The following OR2T11 variants were observed in gnomAD, a reference collection of about 807,000 sequenced individuals.
The protein encoded by OR2T11 is olfactory receptor 2T11.
In OR2T11, 14 loss-of-function variants were observed where a neutral mutation model predicts 13.5. The observed-to-expected ratio is 1.04, with a 90% CI of 0.69 to 1.62. The LOEUF (loss-of-function observed/expected upper bound fraction) is 1.62. Ranked by LOEUF, OR2T11 falls within the 40% of genes most tolerant of loss-of-function variation. The probability of loss-of-function intolerance (pLI) is 0.00; values close to 1 mark genes in which losing one functional copy is unlikely to be tolerated. For synonymous variants in OR2T11, 163 were observed against 154.6 expected (o/e 1.05, Z -0.40); for missense variants, 410 against 389.7 (o/e 1.05, Z -0.44).
Position 248,628,433 on chromosome 1 carries a change from C to T in OR2T11, c.-144-1161G>A, listed in dbSNP as rs147741336. Among the ~76,000 whole-genome samples, 849 of 140,018 alleles carry T rather than the reference C, an allele frequency of 6.1e-3. 161 individuals carry two copies. Among genetic ancestry groups the T allele is most frequent in the African/African-American group, 0.024 (824 of 34,924 alleles). The allele number at this position is 140,018 out of a possible 152,430, so 91.9% of individuals were successfully genotyped here. A position where few individuals can be genotyped will look rare whatever the true frequency, so the allele number is the denominator to read the frequency against. On this transcript the variant is annotated intron_variant, in intron 1 of 1. Transcript: ENST00000641193. ...GGGAGCCCGGATGCTGCAGGGTTTCCCCCCATTCACATGTTGCTAGACACA... is the reference window on the plus strand; with the variant it reads ...GGGAGCCCGGATGCTGCAGGGTTTCTCCCCATTCACATGTTGCTAGACACA...
At position 248,626,885 on chromosome 1, in the gene OR2T11, T is replaced by A. The variant is rs200564269; in HGVS notation, c.244A>T (p.Met82Leu). ...GAAATGATCTTCTCTTTAGAAACCA[T>A]GTCTGCCAGGAGTTTTGGGACAGTG... The part of the protein sequence containing the change: ...CTTVPKLLAD[M>L]VSKEKIISFV... Residue 82 changes from methionine (M) to leucine (L), a missense_variant, in exon 2 of 2, where the codon ATG (methionine) becomes TTG (leucine). By Grantham distance (15) the Met-to-Leu change is conservative. Coordinates refer to ENST00000641193, the MANE Select transcript of OR2T11 (RefSeq NM_001001964.2). The A allele has an allele frequency of 4.3e-5, 68 of 1,570,714 alleles. 6 individuals carry two copies. The highest frequency in any genetic ancestry group is 3.6e-4 in the Admixed American group (21 of 58,338).
At chr1:248,634,787 A>C (rs1333614848) in intron 1 of OR2T11, among the ~76,000 whole-genome samples, 1 of 143,046 alleles carries the variant, frequency 7.0e-6, no homozygotes, top group African/African-American at 2.7e-5. Context: ...TCACTTTTTC[A>C]GATTTTTAAT....
intron 1 of OR2T11, among the ~76,000 whole-genome samples, 192 bp downstream of exon 1, chr1:248,634,838 ATAATTATC>A (rs1442434642): frequency 2.1e-5 from 3 of 143,000 alleles, no homozygotes; most frequent in Non-Finnish European, 4.5e-5. Context: ...TTTATGCTAA[ATAATTATC>A]TAATTATCTT....
rs746664573 is a variant in OR2T11 at position 248,623,744 on chromosome 1, A to C, written c.*2434T>G. On this transcript the variant is annotated 3_prime_UTR_variant, in exon 2 of 2. Coordinates refer to ENST00000641193, the MANE Select transcript of OR2T11 (RefSeq NM_001001964.2). ...TTGTCCTTGTTTTTAACATAATTCT[A>C]GTTAACATATTGAGTGCCTACTATT... 2 of 143,076 alleles carry C rather than the reference A, an allele frequency of 1.4e-5. 1 individual carries two copies. Among genetic ancestry groups the C allele is most frequent in the Non-Finnish European group, 3.0e-5 (2 of 66,186 alleles). 8.9% of individuals were successfully genotyped at this position (143,076 alleles called of 1,614,324 possible). A position where few individuals can be genotyped will look rare whatever the true frequency, so the allele number is the denominator to read the frequency against.
rs751084987 is a variant in OR2T11 at position 248,625,882 on chromosome 1, T to TA, written c.*295dup. On this transcript the variant is annotated 3_prime_UTR_variant, in exon 2 of 2. Coordinates refer to ENST00000641193, the MANE Select transcript of OR2T11 (RefSeq NM_001001964.2). Reference sequence around the variant, plus strand: ...ATGAACAAATGTTGTGAAGGAGATCTAGTTCAGAGTGAAAGGTTGCTGTGA... The same window carrying TA: ...ATGAACAAATGTTGTGAAGGAGATCTAAGTTCAGAGTGAAAGGTTGCTGTGA... 17 of 234,184 alleles carry TA rather than the reference T, an allele frequency of 7.3e-5. 2 individuals carry two copies. The highest frequency in any genetic ancestry group is 4.5e-4 in the East Asian group (5 of 11,124). 14.5% of individuals were successfully genotyped at this position (234,184 alleles called of 1,614,324 possible). A position where few individuals can be genotyped will look rare whatever the true frequency, so the allele number is the denominator to read the frequency against.
chr1:248,627,681 G>A (rs1483562502), intron 1 of OR2T11, among the ~76,000 whole-genome samples: 2 of 143,316 alleles, frequency 1.4e-5, no homozygotes, highest in Non-Finnish European at 3.0e-5. Flanking sequence ...GTTTAAGGAC[G>A]ACAAGTGCAG....
chr1:248,630,291 A>T (rs1558173401), intron 1 of OR2T11, among the ~76,000 whole-genome samples: 1 of 143,804 alleles, frequency 7.0e-6, no homozygotes, highest in African/African-American at 2.7e-5. Context: ...CATTCTAGGA[A>T]AAATAAATAA....
At chr1:248,627,907 ATCTTTCTT>A in intron 1 of OR2T11, among the ~76,000 whole-genome samples, 1 of 143,178 alleles carries the variant, frequency 7.0e-6, no homozygotes, top group Admixed American at 6.8e-5. Flanking sequence ...CTTTTTGCAG[ATCTTTCTT>A]CAGATAAATT....
At position 248,625,951 on chromosome 1, in the gene OR2T11, A is replaced by T. The variant is rs1485531441; in HGVS notation, c.*227T>A. The stretch of plus-strand genomic sequence containing the variant: ...TTTCTTCCCTAAATAAAAAGACTAG[A>T]TAAATTATTTAACTTCATAATAAAC... On this transcript the variant is annotated 3_prime_UTR_variant, in exon 2 of 2. Transcript: ENST00000641193. 6.6e-5 allele frequency: 24 copies of T among 360,946 alleles called. 1 individual carries two copies. Among genetic ancestry groups the T allele is most frequent in the Non-Finnish European group, 9.8e-5 (20 of 204,066 alleles). The allele number at this position is 360,946 out of a possible 1,614,324, so 22.4% of individuals were successfully genotyped here. A position where few individuals can be genotyped will look rare whatever the true frequency, so the allele number is the denominator to read the frequency against.
chr1:248,634,013 C>A lies in OR2T11; in HGVS notation c.-145+1025G>T, dbSNP rs1167475592. Among the ~76,000 whole-genome samples, 3 of 138,904 alleles carry A rather than the reference C, an allele frequency of 2.2e-5. No individual in the cohort carries two copies. In the East Asian group the frequency reaches 6.2e-4, roughly 29 times the overall value. 91.1% of individuals were successfully genotyped at this position (138,904 alleles called of 152,430 possible). A position where few individuals can be genotyped will look rare whatever the true frequency, so the allele number is the denominator to read the frequency against. ...TTGGTGTTTTTTTTTTTGCTTCTAGCATCACCCTTGACATGCAGTTCTATG... is the reference window on the plus strand; with the variant it reads ...TTGGTGTTTTTTTTTTTGCTTCTAGAATCACCCTTGACATGCAGTTCTATG... On this transcript the variant is annotated intron_variant, in intron 1 of 1. Coordinates refer to ENST00000641193, the MANE Select transcript of OR2T11 (RefSeq NM_001001964.2).
Position 248,627,172 on chromosome 1 carries a change from G to T in OR2T11, c.-44C>A. ...TCCCAGGGCAACGGGAAGACACAAG[G>T]ACCAGGAAGGAGGCAAGAGAACACG... is the stretch of plus-strand genomic sequence containing the variant. On this transcript the variant is annotated 5_prime_UTR_variant, in exon 2 of 2. Transcript: ENST00000641193. 1.7e-6 allele frequency: 2 copies of T among 1,147,822 alleles called. No individual in the cohort carries two copies. Among genetic ancestry groups the T allele is most frequent in the Non-Finnish European group, 1.3e-6 (1 of 790,470 alleles). The allele number at this position is 1,147,822 out of a possible 1,614,324, so 71.1% of individuals were successfully genotyped here.
intron 1 of OR2T11, among the ~76,000 whole-genome samples, chr1:248,632,567 G>T (rs906943467): frequency 3.7e-5 from 5 of 136,738 alleles, no homozygotes; most frequent in South Asian, 4.7e-4. Flanking sequence ...AGCCAGATCA[G>T]ATTATCTAGA....
rs1162350037 is a variant in OR2T11 at position 248,630,970 on chromosome 1, C to T, written c.-144-3698G>A. ...TCAGAGACGTGATATGAAAACAGGT[C>T]GGAGGGACTCAGTCGGTCTCCGGGT... On this transcript the variant is annotated intron_variant, in intron 1 of 1. Coordinates refer to ENST00000641193, the MANE Select transcript of OR2T11 (RefSeq NM_001001964.2). Among the ~76,000 whole-genome samples the T allele has an allele frequency of 1.1e-4, 15 of 142,502 alleles. 1 individual carries two copies. In the South Asian group the frequency reaches 1.1e-3, roughly 11 times the overall value. 93.5% of individuals were successfully genotyped at this position (142,502 alleles called of 152,430 possible).
intron 1 of OR2T11, 95 bp from the exon 2 acceptor site, chr1:248,627,367 A>G (rs1282076578): frequency 6.1e-6 from 3 of 495,222 alleles, no homozygotes; most frequent in African/African-American, 4.4e-5. Context: ...TATTGCGTCT[A>G]TGGTTCATCA....
Position 248,627,132 on chromosome 1 carries a change from T to A in OR2T11, c.-4A>T. 1 of 1,489,258 alleles carries A rather than the reference T, an allele frequency of 6.7e-7. No homozygotes were observed. The allele number at this position is 1,489,258 out of a possible 1,614,324, so 92.3% of individuals were successfully genotyped here. A position where few individuals can be genotyped will look rare whatever the true frequency, so the allele number is the denominator to read the frequency against. On this transcript the variant is annotated 5_prime_UTR_variant, in exon 2 of 2. Transcript: ENST00000641193. ...CAGAGGATGATGTGTTCGTCATTGA[T>A]ATGGCCCACGAGCGTCCCAGGGCAA...
At chr1:248,628,025 A>G (rs1312671221) in intron 1 of OR2T11, among the ~76,000 whole-genome samples, 1 of 143,668 alleles carries the variant, frequency 7.0e-6, no homozygotes. Context: ...CTCCATTGCT[A>G]CTGTAGGTTT....
rs1365664325 is a variant in OR2T11 at position 248,624,806 on chromosome 1, G to GCAGCCTCAACTTCT, written c.*1358_*1371dup. Reference sequence around the variant, plus strand: ...CACAGTGGTGCCATCACGGCTCACTGCAGCCTCAACTTCTCAGCCTCCCGT... The same window carrying GCAGCCTCAACTTCT: ...CACAGTGGTGCCATCACGGCTCACTGCAGCCTCAACTTCTCAGCCTCAACTTCTCAGCCTCCCGT... On this transcript the variant is annotated 3_prime_UTR_variant, in exon 2 of 2. Transcript: ENST00000641193. 1.4e-5 allele frequency: 2 copies of GCAGCCTCAACTTCT among 144,006 alleles called. No homozygotes were observed. Among genetic ancestry groups the GCAGCCTCAACTTCT allele is most frequent in the Non-Finnish European group, 3.0e-5 (2 of 66,432 alleles). 8.9% of individuals were successfully genotyped at this position (144,006 alleles called of 1,614,324 possible). A position where few individuals can be genotyped will look rare whatever the true frequency, so the allele number is the denominator to read the frequency against.
At position 248,626,728 on chromosome 1, in the gene OR2T11, T is replaced by G. The variant is rs1660526920; in HGVS notation, c.401A>C (p.Asn134Thr). 1.9e-6 allele frequency: 3 copies of G among 1,572,754 alleles called. 1 individual carries two copies. Among genetic ancestry groups the G allele is most frequent in the Non-Finnish European group, 2.6e-6 (3 of 1,156,862 alleles). Reference protein sequence around the residue: ...CNPLRYPVLMNRKKCLLLAAG... With the variant: ...CNPLRYPVLMTRKKCLLLAAG... ...AGCCAGCAAAAGACACTTCTTGCGG[T>G]TCATCAGGACTGGGTATCTCAGAGG... The change falls in exon 2 of 2, where the codon AAC becomes ACC. Residue 134 changes from asparagine (N) to threonine (T), a missense_variant. Asn to Thr is a moderately conservative substitution (Grantham distance 65). Coordinates refer to ENST00000641193, the MANE Select transcript of OR2T11 (RefSeq NM_001001964.2).
Position 248,627,122 on chromosome 1 carries a change from T to C in OR2T11, c.7A>G (p.Asn3Asp). ...AGGGTGAAGTCAGAGGATGATGTGT[T>C]CGTCATTGATATGGCCCACGAGCGT... MTNTSSSDFTLLG... is the reference protein window; with the variant it reads MTDTSSSDFTLLG... Residue 3 changes from asparagine (N) to aspartate (D), a missense_variant, in exon 2 of 2, where the codon AAC becomes GAC. Coordinates refer to ENST00000641193, the MANE Select transcript of OR2T11 (RefSeq NM_001001964.2). 1 of 1,526,732 alleles carries C rather than the reference T, an allele frequency of 6.5e-7. No individual in the cohort carries two copies. The highest frequency in any genetic ancestry group is 8.9e-7 in the Non-Finnish European group (1 of 1,117,706). 94.6% of individuals were successfully genotyped at this position (1,526,732 alleles called of 1,614,324 possible).
Sources: gnomAD v4.1 joint callset for allele counts (sites outside exome capture counted in the v4.1 genomes callset) on GRCh38, gnomAD v4.1.1 for gene constraint, MANE v1.5 for transcripts, NCBI Gene and HGNC (gene_info 2026-07-23, HGNC 2026-07-21) for gene names.